The following DSCAM variants were observed in gnomAD, a reference collection of about 807,000 sequenced individuals.
DSCAM encodes DS cell adhesion molecule.
In DSCAM, 47 loss-of-function variants were observed where a neutral mutation model predicts 217.7. That is an observed-to-expected ratio of 0.22 (90% CI 0.17 to 0.28). DSCAM has a LOEUF of 0.28. Among genes scored for constraint, DSCAM ranks in the 10% least tolerant of loss-of-function variants. The pLI is 1.00. For missense variants in DSCAM, 2,080 were observed against 2,618.3 expected, an observed-to-expected ratio of 0.79 and a Z score of 4.49; for synonymous variants, 1,056 against 1,015.3, an observed-to-expected ratio of 1.04 and a Z score of -0.76.
intron 20 of DSCAM, among the ~76,000 whole-genome samples, chr21:40,121,286 A>G (rs1191457766): frequency 6.6e-6 from 1 of 152,190 alleles, no homozygotes; most frequent in Non-Finnish European, 1.5e-5. Flanking sequence ...TTTCTTGATC[A>G]TTTCATATTT....
At chr21:40,304,226 C>A (rs2074046970) in intron 9 of DSCAM, among the ~76,000 whole-genome samples, 1 of 152,180 alleles carries the variant, frequency 6.6e-6, no homozygotes, top group South Asian at 2.1e-4. Flanking sequence ...CTTTACAAAT[C>A]TTCCCACTAA....
At chr21:40,803,463 A>G (rs2091759914) in intron 1 of DSCAM, among the ~76,000 whole-genome samples, 1 of 152,222 alleles carries the variant, frequency 6.6e-6, no homozygotes, top group Non-Finnish European at 1.5e-5. Flanking sequence ...CAAAATGTTC[A>G]TGAAAGTGAA....
At chr21:40,099,956 C>A (rs1367999606) in intron 20 of DSCAM, among the ~76,000 whole-genome samples, 1 of 152,128 alleles carries the variant, frequency 6.6e-6, no homozygotes, top group African/African-American at 2.4e-5. Context: ...AATGGCGAAC[C>A]ACAGTGGCAG....
chr21:40,637,518 T>TATATATAAATATATATATAA, intron 3 of DSCAM, among the ~76,000 whole-genome samples: 1 of 27,902 alleles, frequency 3.6e-5, no homozygotes, highest in East Asian at 8.2e-4. Context: ...AATATATAAA[T>TATATATAAATATATATATAA]ATATATAAAT....
At chr21:40,609,875 C>T (rs749577964) in intron 3 of DSCAM, among the ~76,000 whole-genome samples, 9 of 152,242 alleles carry the variant, frequency 5.9e-5, no homozygotes, top group African/African-American at 2.2e-4. Flanking sequence ...GAGACTATCA[C>T]GGCTGCCTCA....
intron 3 of DSCAM, among the ~76,000 whole-genome samples, chr21:40,560,920 G>C (rs888640990): frequency 6.6e-6 from 1 of 152,132 alleles, no homozygotes; most frequent in African/African-American, 2.4e-5. Flanking sequence ...GCCAAATATT[G>C]TCATAGTAAA....
rs1005332532 is a variant in DSCAM at position 40,051,939 on chromosome 21, A to G, written c.5185+19T>C. ...GCATTGTTAACACCCACACATTTTA[A>G]GCATTGTTGACCACTCACTCGTTCC... On this transcript the variant is annotated intron_variant, in intron 30 of 32. Coordinates refer to ENST00000400454, the MANE Select transcript of DSCAM (RefSeq NM_001389.5). The G allele has an allele frequency of 5.6e-6, 9 of 1,599,070 alleles. No homozygotes were observed. Among genetic ancestry groups the G allele is most frequent in the Non-Finnish European group, 7.7e-6 (9 of 1,173,864 alleles).
At chr21:40,055,124 A>G (rs557803781) in intron 29 of DSCAM, among the ~76,000 whole-genome samples, 1 of 152,258 alleles carries the variant, frequency 6.6e-6, no homozygotes, top group East Asian at 1.9e-4. Context: ...TGGTTGAACA[A>G]GCCAGAAAAC....
intron 19 of DSCAM, among the ~76,000 whole-genome samples, chr21:40,131,962 C>G (rs1267269298): frequency 1.3e-5 from 2 of 152,160 alleles, no homozygotes; most frequent in African/African-American, 4.8e-5. Flanking sequence ...AAAAATTGAT[C>G]TAAAATTGTG....
At chr21:40,096,970 T>A (rs995213992) in intron 20 of DSCAM, among the ~76,000 whole-genome samples, 1 of 152,100 alleles carries the variant, frequency 6.6e-6, no homozygotes, top group African/African-American at 2.4e-5. Context: ...AATAAAGACT[T>A]TTTTCAGATA....
intron 11 of DSCAM, among the ~76,000 whole-genome samples, chr21:40,256,406 G>GAGAGAGAGAGAGAGAGAGAC (rs771564434): frequency 2.0e-5 from 3 of 148,110 alleles, no homozygotes; most frequent in African/African-American, 7.4e-5. Context: ...GAGACAGACA[G>GAGAGAGAGAGAGAGAGAGAC]AGAGAGAGAG....
intron 11 of DSCAM, among the ~76,000 whole-genome samples, chr21:40,247,215 C>T (rs1327747015): frequency 6.6e-6 from 1 of 152,150 alleles, no homozygotes; most frequent in Non-Finnish European, 1.5e-5. Flanking sequence ...CACAGCCAAA[C>T]CATATCATTC....
intron 3 of DSCAM, among the ~76,000 whole-genome samples, chr21:40,687,590 G>C (rs1010201331): frequency 1.3e-5 from 2 of 152,080 alleles, no homozygotes; most frequent in Non-Finnish European, 2.9e-5. Flanking sequence ...CATCCAATCT[G>C]CTCTTAGTTC....
At chr21:40,190,383 T>C (rs2090941542) in intron 11 of DSCAM, among the ~76,000 whole-genome samples, 1 of 149,848 alleles carries the variant, frequency 6.7e-6, no homozygotes, top group Non-Finnish European at 1.5e-5. Context: ...AAGCCAGAGG[T>C]AATATATAAT....
chr21:40,586,956 A>G (rs2076951118), intron 3 of DSCAM, among the ~76,000 whole-genome samples: 1 of 152,208 alleles, frequency 6.6e-6, no homozygotes, highest in Admixed American at 6.5e-5. Context: ...AAAACAAGGC[A>G]CTAATTCCAG....
intron 3 of DSCAM, among the ~76,000 whole-genome samples, chr21:40,412,810 A>G (rs1484910859): frequency 6.6e-6 from 1 of 152,236 alleles, no homozygotes; most frequent in Non-Finnish European, 1.5e-5. Context: ...ACAATGGGGA[A>G]AATGTCTCCA....
At chr21:40,506,655 A>C (rs1338935415) in intron 3 of DSCAM, among the ~76,000 whole-genome samples, 1 of 152,238 alleles carries the variant, frequency 6.6e-6, no homozygotes, top group African/African-American at 2.4e-5. Flanking sequence ...CTATGTGTCA[A>C]GATTATTTAA....
At chr21:40,294,789 A>G (rs1035652882) in intron 10 of DSCAM, among the ~76,000 whole-genome samples, 9 of 152,344 alleles carry the variant, frequency 5.9e-5, no homozygotes, top group Admixed American at 5.2e-4. Context: ...TGGAGCTTCA[A>G]ATACGGCAGG....
At chr21:40,370,279 G>A (rs1257376603) in intron 3 of DSCAM, among the ~76,000 whole-genome samples, 1 of 150,888 alleles carries the variant, frequency 6.6e-6, no homozygotes. Flanking sequence ...AAGTAGAGCT[G>A]AGAGTGCCTC....
Sources: gnomAD v4.1 joint callset for allele counts (sites outside exome capture counted in the v4.1 genomes callset) on GRCh38, gnomAD v4.1.1 for gene constraint, MANE v1.5 for transcripts, NCBI Gene and HGNC (gene_info 2026-07-23, HGNC 2026-07-21) for gene names.